Variants in GDAP1 observed in about 807,000 individuals in gnomAD.
GDAP1 encodes the protein ganglioside-induced differentiation-associated protein 1.
GDAP1 carries 34 observed loss-of-function variants against 40.1 expected under a neutral mutation model. The observed-to-expected ratio is 0.85, with a 90% CI of 0.64 to 1.13. The LOEUF is 1.13. Ranked by LOEUF, GDAP1 falls within the 50% of genes most tolerant of loss-of-function variation. The pLI, the probability that GDAP1 is intolerant of heterozygous loss-of-function variation, is 0.00. For synonymous variants in GDAP1, 170 were observed against 157.4 expected (o/e 1.08, Z -0.60); for missense variants, 374 against 433.7 (o/e 0.86, Z 1.22).
At chr8:74,432,927 A>G (rs1806045240) in intron 2 of GDAP1, among the ~76,000 whole-genome samples, 1 of 152,202 alleles carries the variant, frequency 6.6e-6, no homozygotes, top group Non-Finnish European at 1.5e-5. Context: ...ACTATTATGT[A>G]TAAAGCCTCA....
At chr8:74,457,522 T>A (rs1806350887) in intron 2 of GDAP1, among the ~76,000 whole-genome samples, 1 of 152,006 alleles carries the variant, frequency 6.6e-6, no homozygotes, top group Non-Finnish European at 1.5e-5. Flanking sequence ...AAGGAAAAAA[T>A]GATTTCAGAA....
intron 2 of GDAP1, among the ~76,000 whole-genome samples, chr8:74,410,993 C>T (rs1805701957): frequency 6.7e-6 from 1 of 149,886 alleles, no homozygotes; most frequent in South Asian, 2.1e-4. Context: ...GTGATTGGAT[C>T]ATGGGGGAGG....
chr8:74,400,208 G>C (rs1371897302), intron 2 of GDAP1, among the ~76,000 whole-genome samples: 1 of 149,708 alleles, frequency 6.7e-6, no homozygotes, highest in Non-Finnish European at 1.5e-5. Context: ...TGTCACTCAG[G>C]ACTTGCTTTA....
intron 2 of GDAP1, among the ~76,000 whole-genome samples, chr8:74,488,402 C>A (rs1806802033): frequency 6.6e-6 from 1 of 152,058 alleles, no homozygotes; most frequent in African/African-American, 2.4e-5. Flanking sequence ...TGGGAAGTGT[C>A]CTGTACCCTC....
chr8:74,453,849 C>T (rs550169243), intron 2 of GDAP1, among the ~76,000 whole-genome samples: 1 of 80,836 alleles, frequency 1.2e-5, no homozygotes, highest in Non-Finnish European at 2.5e-5. Flanking sequence ...TGCAGCTCAA[C>T]TAAGATGTTA....
At chr8:74,375,343 C>A (rs1809835182) in intron 2 of GDAP1, among the ~76,000 whole-genome samples, 1 of 151,772 alleles carries the variant, frequency 6.6e-6, no homozygotes, top group Admixed American at 6.6e-5. Flanking sequence ...AAAAAGAGAT[C>A]AACTATTCCT....
downstream of GDAP1, chr8:74,366,890 A>G: frequency 5.0e-6 from 2 of 397,504 alleles, no homozygotes; most frequent in South Asian, 1.8e-5. Context: ...CTCACTTTGT[A>G]ATCTTTTTTG....
intron 2 of GDAP1, among the ~76,000 whole-genome samples, chr8:74,418,551 GAAC>G (rs1005178163): frequency 3.9e-5 from 6 of 152,122 alleles, no homozygotes; most frequent in African/African-American, 7.2e-5. Flanking sequence ...ATATATAGAT[GAAC>G]AACAAGTAAC....
intron 2 of GDAP1, among the ~76,000 whole-genome samples, chr8:74,382,078 G>A (rs906969080): frequency 1.3e-5 from 2 of 151,782 alleles, no homozygotes; most frequent in African/African-American, 2.4e-5. Context: ...GACTAATGAG[G>A]GTTTTCTTGG....
chr8:74,416,948 G>A (rs1169791813), intron 2 of GDAP1, among the ~76,000 whole-genome samples: 5 of 130,280 alleles, frequency 3.8e-5, no homozygotes, highest in Non-Finnish European at 6.2e-5. Context: ...TTTTTTAACA[G>A]AGGCATAGTG....
At chr8:74,450,517 T>A (rs1299412684) in intron 2 of GDAP1, among the ~76,000 whole-genome samples, 2 of 151,950 alleles carry the variant, frequency 1.3e-5, no homozygotes. Flanking sequence ...AATGACTGTA[T>A]ATTAGATGTA....
intron 2 of GDAP1, among the ~76,000 whole-genome samples, chr8:74,352,479 A>C (rs1808922429): frequency 6.6e-6 from 1 of 152,098 alleles, no homozygotes. Context: ...TTACTAGGAC[A>C]AAAAAAAGTC....
At chr8:74,373,830 G>A (rs566655468) in intron 2 of GDAP1, among the ~76,000 whole-genome samples, 1 of 152,154 alleles carries the variant, frequency 6.6e-6, no homozygotes, top group Non-Finnish European at 1.5e-5. Context: ...TCCCTGTCTT[G>A]TGCCAGTTTT....
intron 2 of GDAP1, among the ~76,000 whole-genome samples, chr8:74,388,553 T>C (rs1810059937): frequency 6.6e-6 from 1 of 152,192 alleles, no homozygotes; most frequent in Non-Finnish European, 1.5e-5. Context: ...GGCTGTTTGT[T>C]ATGACTTCTG....
Position 74,356,615 on chromosome 8 carries a change from A to G in GDAP1, c.311-3522A>G, listed in dbSNP as rs182150747. ...AATTGTAATCAATCAGTTTGCTACC[A>G]TATCTTTTGCCTCAGGTCATAACTT... On this transcript the variant is annotated intron_variant, in intron 2 of 5. Transcript: ENST00000220822. Among the ~76,000 whole-genome samples, 797 of 149,226 alleles carry G rather than the reference A, an allele frequency of 5.3e-3. 3 individuals are homozygous for G. Among genetic ancestry groups the G allele is most frequent in the Middle Eastern group, 0.014 (4 of 280 alleles).
At chr8:74,378,155 G>A (rs1321817168) in intron 2 of GDAP1, among the ~76,000 whole-genome samples, 1 of 152,194 alleles carries the variant, frequency 6.6e-6, no homozygotes, top group Non-Finnish European at 1.5e-5. Context: ...ATGTGATTAT[G>A]TGAAAGAAAA....
intron 2 of GDAP1, among the ~76,000 whole-genome samples, chr8:74,479,890 C>G (rs1343354715): frequency 6.6e-6 from 1 of 152,012 alleles, no homozygotes; most frequent in Non-Finnish European, 1.5e-5. Context: ...TTGGAACTCA[C>G]AATGTCACTT....
intron 2 of GDAP1, among the ~76,000 whole-genome samples, chr8:74,480,239 G>A (rs908448629): frequency 5.3e-5 from 8 of 151,928 alleles, no homozygotes; most frequent in African/African-American, 1.5e-4. Flanking sequence ...CACCCGCCTC[G>A]GCCTCCCAAA....
At chr8:74,485,744 T>C (rs570586536) in intron 2 of GDAP1, among the ~76,000 whole-genome samples, 1 of 151,798 alleles carries the variant, frequency 6.6e-6, no homozygotes, top group South Asian at 2.1e-4. Context: ...CATGGCAATT[T>C]TGTGCCCCAC....
Sources: allele counts gnomAD v4.1 joint callset (sites outside exome capture counted in the v4.1 genomes callset), GRCh38; gene constraint gnomAD v4.1.1; transcripts MANE v1.5; gene names NCBI Gene and HGNC (gene_info 2026-07-23, HGNC 2026-07-21).